The following CDH20 variants were observed in gnomAD, a reference collection of about 807,000 sequenced individuals.
CDH20 encodes cadherin-20.
Under a neutral mutation model 74.2 loss-of-function variants are expected in CDH20, and 29 were observed. The observed-to-expected ratio is 0.39, with a 90% confidence interval of 0.29 to 0.53. The LOEUF (loss-of-function observed/expected upper bound fraction) is 0.53, where lower values mean the gene tolerates loss of function less well. CDH20 is among the 20% of genes least tolerant of loss of function. The pLI is 0.69. For missense variants in CDH20, 988 were observed against 1,048.3 expected (o/e 0.94, Z 0.79); for synonymous variants, 469 against 405.4 (o/e 1.16, Z -1.88).
chr18:61,398,133 A>G (rs1912044027), intron 1 of CDH20, among the ~76,000 whole-genome samples: 1 of 152,156 alleles, frequency 6.6e-6, no homozygotes, highest in Non-Finnish European at 1.5e-5. Context: ...CTGTGTAGCC[A>G]TCTAGCAATT....
At chr18:61,340,685 T>G (rs1193296675) in intron 1 of CDH20, among the ~76,000 whole-genome samples, 1 of 152,230 alleles carries the variant, frequency 6.6e-6, no homozygotes, top group Non-Finnish European at 1.5e-5. Flanking sequence ...TATTCACGAT[T>G]GTTTCACTTG....
intron 1 of CDH20, among the ~76,000 whole-genome samples, chr18:61,464,708 A>T (rs2535354): frequency 6.6e-6 from 1 of 152,030 alleles, no homozygotes; most frequent in Admixed American, 6.6e-5. Flanking sequence ...ACTCAAAGCC[A>T]CAGGGGACTG....
chr18:61,512,289 G>A (rs1298474930), intron 6 of CDH20, among the ~76,000 whole-genome samples: 1 of 152,072 alleles, frequency 6.6e-6, no homozygotes, highest in Non-Finnish European at 1.5e-5. Context: ...TCTTTATTCT[G>A]AATAAGCATG....
At chr18:61,410,870 G>GA (rs1402479772) in intron 1 of CDH20, among the ~76,000 whole-genome samples, 1 of 152,156 alleles carries the variant, frequency 6.6e-6, no homozygotes, top group Admixed American at 6.5e-5. Flanking sequence ...TAGAACTCAT[G>GA]AAGAAAATGA....
intron 8 of CDH20, 89 bp downstream of exon 8, chr18:61,536,718 A>C (rs983916321): frequency 8.7e-7 from 1 of 1,145,706 alleles, no homozygotes; most frequent in African/African-American, 1.5e-5. Context: ...TGTAACAAAA[A>C]TTATATCCTT....
At chr18:61,350,499 G>A (rs1160821735) in intron 1 of CDH20, among the ~76,000 whole-genome samples, 1 of 152,088 alleles carries the variant, frequency 6.6e-6, no homozygotes, top group Non-Finnish European at 1.5e-5. Flanking sequence ...GGAACCATAA[G>A]TGAATCACTA....
intron 8 of CDH20, among the ~76,000 whole-genome samples, chr18:61,538,022 G>A (rs573022670): frequency 2.6e-5 from 4 of 152,284 alleles, no homozygotes; most frequent in African/African-American, 9.6e-5. Context: ...GTCTCTGCAT[G>A]GCAGTGCCAA....
At position 61,554,119 on chromosome 18, in the gene CDH20, G is replaced by C; in HGVS notation, c.1901-71G>C. The C allele has an allele frequency of 2.6e-6, 4 of 1,539,418 alleles. 1 individual carries two copies. The highest frequency in any genetic ancestry group is 3.5e-4 in the Middle Eastern group (2 of 5,670). On this transcript the variant is annotated intron_variant, in intron 11 of 11. Coordinates refer to ENST00000262717, the MANE Select transcript of CDH20 (RefSeq NM_031891.4). ...CCTTCCCCTATCCGTGGTGAATCAA[G>C]ACTACTTCTAGTCACCGCACACACA...
intron 10 of CDH20, 25 bp from the exon 11 acceptor site, chr18:61,549,953 A>G: frequency 6.2e-7 from 1 of 1,601,000 alleles, no homozygotes; most frequent in Non-Finnish European, 8.5e-7. Flanking sequence ...CCCTTTTCCA[A>G]TCCTGGAACC....
rs147731526 is a variant in CDH20 at position 61,521,874 on chromosome 18, C to T, written c.1018-6093C>T. Among the ~76,000 whole-genome samples, 834 of 152,226 alleles carry T rather than the reference C, an allele frequency of 5.5e-3. 11 individuals carry two copies. Among genetic ancestry groups the T allele is most frequent in the African/African-American group, 0.019 (798 of 41,526 alleles). On this transcript the variant is annotated intron_variant, in intron 6 of 11. Transcript: ENST00000262717. ...AAGCCCTTCAATAAAATTCAATACC[C>T]CTTCATGCTAAAAACTCTAAATAAA...
chr18:61,493,502 G>A (rs186516308), intron 2 of CDH20, among the ~76,000 whole-genome samples: 5 of 152,134 alleles, frequency 3.3e-5, no homozygotes, highest in East Asian at 1.9e-4. Context: ...CTCAGCCCTC[G>A]TGCACAATTT....
intron 1 of CDH20, among the ~76,000 whole-genome samples, chr18:61,376,640 A>T (rs1215667245): frequency 6.6e-6 from 1 of 152,204 alleles, no homozygotes; most frequent in Non-Finnish European, 1.5e-5. Flanking sequence ...AACATATTAA[A>T]AACCTTAAGC....
intron 1 of CDH20, among the ~76,000 whole-genome samples, chr18:61,379,007 A>G (rs983681255): frequency 2.6e-5 from 4 of 152,164 alleles, no homozygotes; most frequent in African/African-American, 9.7e-5. Flanking sequence ...AGTATTAAAG[A>G]CTTCCTGAGA....
intron 1 of CDH20, among the ~76,000 whole-genome samples, chr18:61,475,159 A>G (rs1255910564): frequency 6.6e-6 from 1 of 152,186 alleles, no homozygotes. Flanking sequence ...TGCTGAAGGG[A>G]TGGAAGTTAC....
intron 1 of CDH20, among the ~76,000 whole-genome samples, chr18:61,338,147 A>G (rs1909817729): frequency 6.6e-6 from 1 of 152,230 alleles, no homozygotes; most frequent in Non-Finnish European, 1.5e-5. Flanking sequence ...GACTTACTGA[A>G]GTGCTAAATA....
At chr18:61,428,279 T>A (rs990583166) in intron 1 of CDH20, among the ~76,000 whole-genome samples, 26 of 152,184 alleles carry the variant, frequency 1.7e-4, no homozygotes, top group African/African-American at 6.3e-4. Flanking sequence ...GCTCTGTTTT[T>A]ACCCATGCTA....
rs1451344897 is a variant in CDH20 at position 61,353,537 on chromosome 18, T to G, written c.-153+19710T>G. On this transcript the variant is annotated intron_variant, in intron 1 of 11. Transcript: ENST00000262717. The surrounding 1 kb of genome is among the most constrained non-coding windows in gnomAD (Gnocchi z 4.6). Reference sequence around the variant, plus strand: ...GATCTGTAATTGTATAGACACAGCTTTACTTGCTTTTGAATATCCGACAGT... The same window carrying G: ...GATCTGTAATTGTATAGACACAGCTGTACTTGCTTTTGAATATCCGACAGT... Among the ~76,000 whole-genome samples, 2 of 152,244 alleles carry G rather than the reference T, an allele frequency of 1.3e-5. No individual in the cohort carries two copies. Among genetic ancestry groups the G allele is most frequent in the East Asian group, 3.8e-4 (2 of 5,198 alleles).
chr18:61,335,547 T>A (rs1039966344), intron 1 of CDH20, among the ~76,000 whole-genome samples: 2 of 151,906 alleles, frequency 1.3e-5, no homozygotes, highest in African/African-American at 4.8e-5. Context: ...GCTCTTAGAG[T>A]CTACTTAGGC....
intron 1 of CDH20, among the ~76,000 whole-genome samples, chr18:61,444,624 G>A (rs1296699866): frequency 9.9e-5 from 15 of 152,162 alleles, no homozygotes; most frequent in Admixed American, 9.8e-4. Context: ...CCCAAAGGGG[G>A]AGGGCTGCCG....
Sources: allele counts gnomAD v4.1 joint callset (sites outside exome capture counted in the v4.1 genomes callset), GRCh38; gene constraint gnomAD v4.1.1; non-coding constraint Gnocchi (gnomAD v3.1); transcripts MANE v1.5; gene names NCBI Gene and HGNC (gene_info 2026-07-23, HGNC 2026-07-21).